PTPRO: variants seen among roughly 807,000 people sequenced by gnomAD.
PTPRO encodes the protein protein tyrosine phosphatase receptor type O, also known as receptor-type tyrosine-protein phosphatase O.
Under a neutral mutation model 145.2 loss-of-function variants are expected in PTPRO, and 62 were observed. The ratio of observed to expected loss-of-function variants is 0.43; its 90% CI spans 0.35 to 0.53. PTPRO has a LOEUF of 0.53. PTPRO is among the 20% of genes least tolerant of loss of function. The probability of loss-of-function intolerance (pLI) is 0.01; values close to 1 mark genes in which losing one functional copy is unlikely to be tolerated. For synonymous variants in PTPRO, 565 were observed against 514.7 expected (o/e 1.10, Z -1.32); for missense variants, 1,345 against 1,482.7 (o/e 0.91, Z 1.53).
At chr12:15,550,018 T>A (rs1423182601) in intron 14 of PTPRO, among the ~76,000 whole-genome samples, 1 of 152,194 alleles carries the variant, frequency 6.6e-6, no homozygotes, top group Non-Finnish European at 1.5e-5. Flanking sequence ...TCCTACATCC[T>A]TGTACACTTT....
At chr12:15,445,894 A>G (rs1161347895) in intron 1 of PTPRO, among the ~76,000 whole-genome samples, 1 of 152,190 alleles carries the variant, frequency 6.6e-6, no homozygotes, top group Non-Finnish European at 1.5e-5. Context: ...GGAGGACAGA[A>G]ACAGTTCAAC....
At chr12:15,527,291 TGCAGAAAATC>T (rs2136530290) in intron 12 of PTPRO, among the ~76,000 whole-genome samples, 1 of 152,334 alleles carries the variant, frequency 6.6e-6, no homozygotes, top group African/African-American at 2.4e-5. Flanking sequence ...GCAACAAGTG[TGCAGAAAATC>T]TTCTGCCAAC....
intron 12 of PTPRO, among the ~76,000 whole-genome samples, chr12:15,545,705 C>T (rs1408524825): frequency 6.6e-6 from 1 of 151,974 alleles, no homozygotes; most frequent in Non-Finnish European, 1.5e-5. Flanking sequence ...TTTTATTAAT[C>T]TTCCAATCCC....
In PTPRO at chr12:15,565,598, A is replaced by G; in HGVS notation, c.2717A>G (p.Lys906Arg). The G allele has an allele frequency of 4.8e-6, 7 of 1,455,046 alleles. No homozygotes were observed. The highest frequency in any genetic ancestry group is 5.8e-6 in the Non-Finnish European group (6 of 1,039,382). The allele number at this position is 1,455,046 out of a possible 1,614,324, so 90.1% of individuals were successfully genotyped here. A position where few individuals can be genotyped will look rare whatever the true frequency, so the allele number is the denominator to read the frequency against. Residue 906 changes from lysine to arginine, a missense_variant, in exon 18 of 27, where the codon AAA becomes AGA. Coordinates refer to ENST00000281171, the MANE Select transcript of PTPRO (RefSeq NM_030667.3). ...LLAFYINPWS[K>R]NGLKKRKLTN... is the part of the protein sequence containing the mutation. ...TTTTCTTTTTTAATTATCAGGAGTAAAAATGGTTTAAAGAAGAGGAAACTG... is the reference window on the plus strand; with the variant it reads ...TTTTCTTTTTTAATTATCAGGAGTAGAAATGGTTTAAAGAAGAGGAAACTG...
intron 1 of PTPRO, among the ~76,000 whole-genome samples, chr12:15,472,011 T>A (rs1941552911): frequency 6.6e-6 from 1 of 152,214 alleles, no homozygotes; most frequent in African/African-American, 2.4e-5. Context: ...CATTATGCAA[T>A]GTCTGCAGAG....
At chr12:15,535,533 C>A (rs1943049842) in intron 12 of PTPRO, among the ~76,000 whole-genome samples, 1 of 152,246 alleles carries the variant, frequency 6.6e-6, no homozygotes, top group Non-Finnish European at 1.5e-5. Context: ...AATCATATAA[C>A]TTTAGTGCTA....
chr12:15,548,650 A>G (rs1025811877), intron 13 of PTPRO, among the ~76,000 whole-genome samples: 2 of 152,136 alleles, frequency 1.3e-5, no homozygotes, highest in African/African-American at 4.8e-5. Flanking sequence ...TTACACATTC[A>G]TCAACCGGGG....
chr12:15,548,659 G>C (rs1943366891), intron 13 of PTPRO, among the ~76,000 whole-genome samples: 1 of 151,836 alleles, frequency 6.6e-6, no homozygotes, highest in Non-Finnish European at 1.5e-5. Flanking sequence ...CATCAACCGG[G>C]GCTCATTAAA....
intron 2 of PTPRO, among the ~76,000 whole-genome samples, chr12:15,484,550 T>C (rs1477735884): frequency 6.6e-6 from 1 of 152,116 alleles, no homozygotes; most frequent in Admixed American, 6.6e-5. Context: ...GCTATGTTGC[T>C]TAATAATGTC....
At chr12:15,350,634 C>CTATCAAATA (rs1937772770) in intron 1 of PTPRO, among the ~76,000 whole-genome samples, 1 of 152,190 alleles carries the variant, frequency 6.6e-6, no homozygotes, top group African/African-American at 2.4e-5. Flanking sequence ...AAAATAATTG[C>CTATCAAATA]TATCAAATAT....
intron 23 of PTPRO, among the ~76,000 whole-genome samples, chr12:15,583,451 C>T (rs180958654): frequency 6.6e-6 from 1 of 151,618 alleles, no homozygotes; most frequent in East Asian, 1.9e-4. Context: ...TACACTTCAG[C>T]CTGGGCAACA....
In PTPRO at chr12:15,549,185, A is replaced by T. The variant is rs138096466; in HGVS notation, c.2396A>T (p.Asp799Val). The T allele has an allele frequency of 6.2e-7, 1 of 1,613,252 alleles. No homozygotes were observed. The highest frequency in any genetic ancestry group is 8.5e-7 in the Non-Finnish European group (1 of 1,179,516). ...TGTAGTGTCACCAGCTTTAGCCATG[A>T]CAGCCCCAGTGTCCCTACGTTCATA... ...YNCSVTSFSH[D>V]SPSVPTFIAV... is the part of the protein sequence containing the mutation. The change falls in exon 14 of 27, where the codon GAC (aspartate) becomes GTC (valine). Residue 799 changes from aspartate (D) to valine (V), a missense_variant. Physicochemically the swap from Asp to Val is radical, Grantham distance 152. Around this residue, in one of 3 missense-constraint regions of PTPRO, gnomAD observed 1,130 missense variants for 1,214.7 expected, o/e 0.93. Coordinates refer to ENST00000281171, the MANE Select transcript of PTPRO (RefSeq NM_030667.3).
chr12:15,351,826 C>A (rs1937811874), intron 1 of PTPRO, among the ~76,000 whole-genome samples: 1 of 152,094 alleles, frequency 6.6e-6, no homozygotes, highest in Admixed American at 6.5e-5. Context: ...TAGAGATTTT[C>A]TCTGCCAAAA....
chr12:15,500,186 G>A (rs758132164), intron 4 of PTPRO, among the ~76,000 whole-genome samples: 1 of 152,022 alleles, frequency 6.6e-6, no homozygotes, highest in South Asian at 2.1e-4. Context: ...AAGCAAAATC[G>A]TATGTGCCTA....
At chr12:15,595,232 C>T (rs749015822) in intron 26 of PTPRO, 175 bp downstream of exon 26, 2 of 600,574 alleles carry the variant, frequency 3.3e-6, no homozygotes, top group Non-Finnish European at 6.1e-6. Context: ...AGTACTGTAG[C>T]AGATCTTTGA....
chr12:15,473,227 C>A (rs1346422112), intron 1 of PTPRO, among the ~76,000 whole-genome samples: 2 of 152,180 alleles, frequency 1.3e-5, no homozygotes, highest in Non-Finnish European at 2.9e-5. Context: ...CAGATCCTAA[C>A]TGTGTCTGTG....
chr12:15,581,567 C>T, intron 22 of PTPRO, 112 bp from the exon 23 acceptor site: 2 of 1,286,702 alleles, frequency 1.6e-6, no homozygotes, highest in Non-Finnish European at 1.1e-6. Flanking sequence ...TCATCTTCAC[C>T]ACGGTCCTAT....
intron 1 of PTPRO, among the ~76,000 whole-genome samples, chr12:15,336,010 T>C (rs796377310): frequency 3.3e-5 from 5 of 152,210 alleles, no homozygotes; most frequent in African/African-American, 1.2e-4. Flanking sequence ...TAATTTGATA[T>C]CTTTAAGCCT....
intron 1 of PTPRO, among the ~76,000 whole-genome samples, chr12:15,386,206 A>G (rs972007098): frequency 3.0e-4 from 45 of 152,182 alleles, no homozygotes; most frequent in African/African-American, 1.0e-3. Context: ...ACAACAAGGA[A>G]CATAACCAGT....
Sources: allele counts gnomAD v4.1 joint callset (sites outside exome capture counted in the v4.1 genomes callset), GRCh38; gene constraint gnomAD v4.1.1; regional missense constraint gnomAD v4.1.1; transcripts MANE v1.5; gene names NCBI Gene and HGNC (gene_info 2026-07-23, HGNC 2026-07-21).